The following EBF1 variants were observed in gnomAD, a reference collection of about 807,000 sequenced individuals.
EBF1 encodes EBF transcription factor 1.
A neutral mutation model predicts 68.4 loss-of-function variants in EBF1; 10 were observed. The ratio of observed to expected loss-of-function variants is 0.15; its 90% CI spans 0.09 to 0.25. The LOEUF (loss-of-function observed/expected upper bound fraction) is 0.25, where lower values mean the gene tolerates loss of function less well. Ranked by LOEUF, EBF1 falls within the 10% of genes least tolerant of loss-of-function variation. The pLI is 1.00. For missense variants in EBF1, 509 were observed against 794.4 expected (o/e 0.64, Z 4.32); for synonymous variants, 298 against 299.8 (o/e 0.99, Z 0.06).
chr5:158,703,946 T>C (rs11135045), intron 15 of EBF1, among the ~76,000 whole-genome samples: 22,048 of 152,238 alleles, frequency 0.14, 1,684 homozygotes, highest in Admixed American at 0.16. Flanking sequence ...TCTCCCCTAA[T>C]ACAGGGAAAG....
At chr5:159,056,800 T>C (rs1774832861) in intron 6 of EBF1, among the ~76,000 whole-genome samples, 1 of 152,200 alleles carries the variant, frequency 6.6e-6, no homozygotes, top group Non-Finnish European at 1.5e-5. Context: ...TCAATATTTA[T>C]GTATGTCAGT....
At position 158,698,286 on chromosome 5, in the gene EBF1, C is replaced by T. The variant is rs891784554; in HGVS notation, c.*825G>A. ...CACAGTATGTGTGCCACCAAGCTCT[C>T]GAGAGGCCATCGGCTTCAGAAGAAA... On this transcript the variant is annotated 3_prime_UTR_variant, in exon 16 of 16. Transcript: ENST00000313708. 9.0e-6 allele frequency: 2 copies of T among 221,556 alleles called. No individual in the cohort carries two copies. The highest frequency in any genetic ancestry group is 2.2e-5 in the African/African-American group (1 of 44,604). 13.7% of individuals were successfully genotyped at this position (221,556 alleles called of 1,614,324 possible). A position where few individuals can be genotyped will look rare whatever the true frequency, so the allele number is the denominator to read the frequency against.
chr5:158,785,837 G>A (rs1416842160), intron 9 of EBF1, among the ~76,000 whole-genome samples: 2 of 152,070 alleles, frequency 1.3e-5, no homozygotes, highest in Non-Finnish European at 2.9e-5. Flanking sequence ...TATAGATATC[G>A]ACATAGACTC....
chr5:159,023,209 A>T (rs1767063189), intron 6 of EBF1, among the ~76,000 whole-genome samples: 1 of 151,294 alleles, frequency 6.6e-6, no homozygotes, highest in Non-Finnish European at 1.5e-5. Context: ...AAAAAAGCTA[A>T]GTTTGTGAGA....
intron 6 of EBF1, among the ~76,000 whole-genome samples, chr5:159,051,225 C>A (rs558180330): frequency 1.3e-5 from 2 of 151,980 alleles, no homozygotes; most frequent in South Asian, 4.2e-4. Flanking sequence ...TTTTAATTCT[C>A]AAATATTCTC....
chr5:158,959,889 AAGAGAATCAAACTAGATC>A (rs1169272268), intron 6 of EBF1, among the ~76,000 whole-genome samples: 1 of 152,216 alleles, frequency 6.6e-6, no homozygotes, highest in Non-Finnish European at 1.5e-5. Flanking sequence ...ATCATGCAGT[AAGAGAATCAAACTAGATC>A]GACCAATCAA....
chr5:158,761,162 A>C (rs1771361247), intron 10 of EBF1, among the ~76,000 whole-genome samples: 1 of 152,210 alleles, frequency 6.6e-6, no homozygotes, highest in African/African-American at 2.4e-5. Flanking sequence ...TTCTCCCCTC[A>C]GTTAAAGGGC....
intron 6 of EBF1, among the ~76,000 whole-genome samples, chr5:158,966,741 C>T (rs1206433972): frequency 6.6e-6 from 1 of 152,114 alleles, no homozygotes; most frequent in Non-Finnish European, 1.5e-5. Flanking sequence ...TTAAACTTGT[C>T]CCCCCGAAAG....
At chr5:159,077,914 A>G (rs1013608275) in intron 5 of EBF1, among the ~76,000 whole-genome samples, 3 of 151,346 alleles carry the variant, frequency 2.0e-5, no homozygotes, top group Non-Finnish European at 4.4e-5. Context: ...AATTTTGTGT[A>G]TTTTTTGTGG....
At chr5:159,052,179 G>T (rs537060878) in intron 6 of EBF1, among the ~76,000 whole-genome samples, 1 of 151,844 alleles carries the variant, frequency 6.6e-6, no homozygotes, top group African/African-American at 2.4e-5. Context: ...TCATTTAGCT[G>T]AGAAAAATAT....
At chr5:158,997,004 G>A (rs1761550830) in intron 6 of EBF1, among the ~76,000 whole-genome samples, 1 of 152,126 alleles carries the variant, frequency 6.6e-6, no homozygotes, top group Admixed American at 6.5e-5. Flanking sequence ...CTCTGGCTCT[G>A]ATCCAAATCT....
At chr5:158,858,258 A>G (rs1794397477) in intron 6 of EBF1, among the ~76,000 whole-genome samples, 2 of 152,174 alleles carry the variant, frequency 1.3e-5, no homozygotes, top group Non-Finnish European at 2.9e-5. Flanking sequence ...TCAGGTTCCT[A>G]AGAAATTTAG....
intron 6 of EBF1, among the ~76,000 whole-genome samples, chr5:158,955,333 G>A (rs1377195883): frequency 1.3e-5 from 2 of 151,576 alleles, no homozygotes. Flanking sequence ...AAAAAAAAAA[G>A]AGAGAGAGAG....
At chr5:158,844,732 C>A (rs995966062) in intron 6 of EBF1, among the ~76,000 whole-genome samples, 4 of 152,180 alleles carry the variant, frequency 2.6e-5, no homozygotes, top group Non-Finnish European at 5.9e-5. Context: ...ACTGTTTAGT[C>A]TACTACCTCA....
chr5:158,880,154 G>A lies in EBF1; in HGVS notation c.555-40044C>T, dbSNP rs184440698. On this transcript the variant is annotated intron_variant, in intron 6 of 15. Transcript: ENST00000313708. ...GGCTCTTGATAAACACTCACAAAGC[G>A]CTGTCAAACTCTGGGTGCTCTGAGA... 1.6e-4 allele frequency among the ~76,000 whole-genome samples: 25 copies of A among 152,266 alleles called. 1 individual carries two copies. In the East Asian group the frequency reaches 3.9e-3, roughly 23 times the overall value.
intron 3 of EBF1, 48 bp from the exon 4 acceptor site, chr5:159,095,723 G>A (rs1378757249): frequency 3.1e-6 from 5 of 1,596,358 alleles, no homozygotes; most frequent in South Asian, 1.1e-5. Context: ...GAGAGGTTAC[G>A]GAGGGTGGGT....
chr5:158,895,630 C>T (rs1393455627), intron 6 of EBF1, among the ~76,000 whole-genome samples: 1 of 152,076 alleles, frequency 6.6e-6, no homozygotes, highest in South Asian at 2.1e-4. Context: ...TACTGGGACA[C>T]CATCAATAAA....
intron 7 of EBF1, among the ~76,000 whole-genome samples, chr5:158,829,458 T>G (rs1053568082): frequency 1.3e-5 from 2 of 151,980 alleles, no homozygotes; most frequent in African/African-American, 4.8e-5. Context: ...GTGCTGGGAT[T>G]ATAGTCATGA....
intron 6 of EBF1, among the ~76,000 whole-genome samples, chr5:158,959,625 T>C (rs1418816257): frequency 6.6e-6 from 1 of 152,086 alleles, no homozygotes; most frequent in Non-Finnish European, 1.5e-5. Flanking sequence ...TATATAATTC[T>C]TTCAAAATAG....
Sources: gnomAD v4.1 joint callset for allele counts (sites outside exome capture counted in the v4.1 genomes callset) on GRCh38, gnomAD v4.1.1 for gene constraint, MANE v1.5 for transcripts, NCBI Gene and HGNC (gene_info 2026-07-23, HGNC 2026-07-21) for gene names.